GNAQ: variants seen among roughly 807,000 people sequenced by gnomAD.
GNAQ encodes the protein guanine nucleotide-binding protein G(q) subunit alpha.
In GNAQ, 8 loss-of-function variants were observed where a neutral mutation model predicts 43.9. That is an observed-to-expected ratio of 0.18 (90% confidence interval 0.11 to 0.33). The LOEUF (loss-of-function observed/expected upper bound fraction) is 0.33, where lower values mean the gene tolerates loss of function less well. Ranked by LOEUF, GNAQ falls within the 10% of genes least tolerant of loss-of-function variation. The pLI, the probability that GNAQ is intolerant of heterozygous loss-of-function variation, is 1.00. For missense variants in GNAQ, 158 were observed against 450.8 expected (o/e 0.35, Z 5.88); for synonymous variants, 155 against 170.7 (o/e 0.91, Z 0.71).
chr9:77,787,547 CCTTA>C (rs1826500718), intron 5 of GNAQ, among the ~76,000 whole-genome samples: 1 of 152,148 alleles, frequency 6.6e-6, no homozygotes, highest in African/African-American at 2.4e-5. Context: ...AATATTAAAT[CCTTA>C]CTTCCTACCA....
At chr9:77,907,875 T>C (rs908809359) in intron 2 of GNAQ, among the ~76,000 whole-genome samples, 1 of 152,176 alleles carries the variant, frequency 6.6e-6, no homozygotes, top group Non-Finnish European at 1.5e-5. Context: ...CACAGGTAAC[T>C]GCATTTACTC....
At chr9:77,811,884 T>C (rs1158952510) in intron 3 of GNAQ, among the ~76,000 whole-genome samples, 3 of 151,992 alleles carry the variant, frequency 2.0e-5, no homozygotes, top group Non-Finnish European at 2.9e-5. Flanking sequence ...CTTACATAAC[T>C]GGCAGGAATA....
rs546733628 is a variant in GNAQ, at chr9:77,723,949, A to G, written c.890-2436T>C. ...TAATTAAAAAAAGTACTATATCAAA[A>G]CCCACTGAATTGTACACTTTAAATA... is the stretch of plus-strand genomic sequence containing the variant. On this transcript the variant is annotated intron_variant, in intron 6 of 6. Coordinates refer to ENST00000286548, the MANE Select transcript of GNAQ (RefSeq NM_002072.5). Among the ~76,000 whole-genome samples the G allele has an allele frequency of 3.0e-4, 45 of 152,222 alleles. 1 individual carries two copies. Among genetic ancestry groups the G allele is most frequent in the African/African-American group, 1.1e-3 (44 of 41,546 alleles).
chr9:77,838,570 A>G (rs950749389), intron 2 of GNAQ, among the ~76,000 whole-genome samples: 1 of 151,782 alleles, frequency 6.6e-6, no homozygotes, highest in Non-Finnish European at 1.5e-5. Flanking sequence ...CTGCCTCATG[A>G]TGGGAAATAG....
intron 2 of GNAQ, among the ~76,000 whole-genome samples, chr9:77,859,633 A>C (rs1587369124): frequency 6.6e-6 from 1 of 152,352 alleles, no homozygotes; most frequent in East Asian, 1.9e-4. Flanking sequence ...CGGAGTTGTA[A>C]GAAGATCTGA....
intron 5 of GNAQ, among the ~76,000 whole-genome samples, chr9:77,792,683 T>A (rs1281573697): frequency 1.3e-5 from 2 of 152,168 alleles, no homozygotes; most frequent in South Asian, 2.1e-4. Flanking sequence ...ATATACTTCT[T>A]CATATATATA....
intron 2 of GNAQ, among the ~76,000 whole-genome samples, chr9:77,877,037 A>G (rs1351702121): frequency 6.6e-6 from 1 of 152,186 alleles, no homozygotes; most frequent in Non-Finnish European, 1.5e-5. Flanking sequence ...TTGATTTTCA[A>G]CATAGTAGCC....
chr9:77,887,094 C>T (rs1828320495), intron 2 of GNAQ, among the ~76,000 whole-genome samples: 1 of 151,856 alleles, frequency 6.6e-6, no homozygotes, highest in South Asian at 2.1e-4. Flanking sequence ...TGCACTCCAG[C>T]GTGGATGACA....
At chr9:77,880,856 C>A (rs1475460396) in intron 2 of GNAQ, among the ~76,000 whole-genome samples, 3 of 152,242 alleles carry the variant, frequency 2.0e-5, no homozygotes, top group African/African-American at 7.2e-5. Context: ...GGGTCTGTCC[C>A]TGCATGACAG....
intron 2 of GNAQ, among the ~76,000 whole-genome samples, chr9:77,885,377 T>C (rs900804454): frequency 6.6e-6 from 1 of 152,168 alleles, no homozygotes; most frequent in Non-Finnish European, 1.5e-5. Flanking sequence ...TAAGTGAGCT[T>C]TGCTGAAAAG....
At chr9:77,761,723 G>C (rs1211398026) in intron 5 of GNAQ, among the ~76,000 whole-genome samples, 2 of 68,376 alleles carry the variant, frequency 2.9e-5, no homozygotes, top group Admixed American at 1.2e-4. Flanking sequence ...GAGGGAGGTG[G>C]GGGGGTCAGC....
At chr9:77,883,648 C>T (rs553452599) in intron 2 of GNAQ, among the ~76,000 whole-genome samples, 28 of 151,758 alleles carry the variant, frequency 1.8e-4, no homozygotes, top group Non-Finnish European at 3.8e-4. Flanking sequence ...CCCCCGCCCC[C>T]ACTCTCCTCG....
Position 77,815,709 on chromosome 9 carries a change from T to C in GNAQ, c.383A>G (p.Tyr128Cys). 6.2e-7 allele frequency: 1 copy of C among 1,600,372 alleles called. No homozygotes were observed. The highest frequency in any genetic ancestry group is 8.6e-7 in the Non-Finnish European group (1 of 1,167,778). Residue 128 changes from tyrosine (Y) to cysteine (C), a missense_variant, in exon 3 of 7, where the codon TAT becomes TGT. Tyr to Cys is a radical substitution (Grantham distance 194). Coordinates refer to ENST00000286548, the MANE Select transcript of GNAQ (RefSeq NM_002072.5). ...VEKVSAFENP[Y>C]VDAIKSLWND... ...CCATAAACTCTTTATTGCATCTACA[T>C]ATGGATTCTCAAAAGCAGACACCTT...
chr9:77,797,491 G>A (rs776716957), intron 4 of GNAQ, 29 bp downstream of exon 4: 8 of 1,586,190 alleles, frequency 5.0e-6, no homozygotes, highest in Non-Finnish European at 6.9e-6. Flanking sequence ...TAAAAGCTGG[G>A]AAATAGGTTT....
At chr9:77,747,160 T>C (rs1472691967) in intron 5 of GNAQ, among the ~76,000 whole-genome samples, 1 of 152,094 alleles carries the variant, frequency 6.6e-6, no homozygotes, top group Non-Finnish European at 1.5e-5. Context: ...CTTCTATGTA[T>C]GTGGAATTTT....
At chr9:77,915,926 G>A (rs1416477892) in intron 2 of GNAQ, among the ~76,000 whole-genome samples, 1 of 152,156 alleles carries the variant, frequency 6.6e-6, no homozygotes, top group African/African-American at 2.4e-5. Flanking sequence ...TCCACCAACT[G>A]TACCCAGATT....
intron 5 of GNAQ, among the ~76,000 whole-genome samples, chr9:77,755,905 T>A (rs543081679): frequency 6.6e-6 from 1 of 152,250 alleles, no homozygotes; most frequent in South Asian, 2.1e-4. Flanking sequence ...CTTGGGTGTG[T>A]CTGTGATGGT....
At chr9:77,911,605 C>CA (rs1374893072) in intron 2 of GNAQ, among the ~76,000 whole-genome samples, 2 of 151,910 alleles carry the variant, frequency 1.3e-5, no homozygotes, top group South Asian at 2.1e-4. Context: ...TCATAAAACA[C>CA]AAAAAAAGAA....
At chr9:77,850,980 C>A (rs923210330) in intron 2 of GNAQ, among the ~76,000 whole-genome samples, 1 of 152,108 alleles carries the variant, frequency 6.6e-6, no homozygotes, top group African/African-American at 2.4e-5. Flanking sequence ...CTCTTCCCAG[C>A]TCTTACTAAA....
Sources: gnomAD v4.1 joint callset for allele counts (sites outside exome capture counted in the v4.1 genomes callset) on GRCh38, gnomAD v4.1.1 for gene constraint, MANE v1.5 for transcripts, NCBI Gene and HGNC (gene_info 2026-07-23, HGNC 2026-07-21) for gene names.